MICAL3: variants seen among roughly 807,000 people sequenced by gnomAD.
MICAL3 encodes the protein [F-actin]-monooxygenase MICAL3.
MICAL3 carries 62 observed loss-of-function variants against 207.4 expected under a neutral mutation model. That is an observed-to-expected ratio of 0.30 (90% CI 0.24 to 0.37). MICAL3 has a LOEUF of 0.37. Ranked by LOEUF, MICAL3 falls within the 10% of genes least tolerant of loss-of-function variation. MICAL3 has a pLI of 1.00. For synonymous variants in MICAL3, 1,077 were observed against 1,069.3 expected, an observed-to-expected ratio of 1.01 and a Z score of -0.14; for missense variants, 2,368 against 2,635.6, an observed-to-expected ratio of 0.90 and a Z score of 2.22.
intron 1 of MICAL3, among the ~76,000 whole-genome samples, chr22:17,964,624 C>G (rs1234065013): frequency 6.6e-6 from 1 of 152,216 alleles, no homozygotes; most frequent in Admixed American, 6.5e-5. Context: ...CACCTCCACA[C>G]TAGAACCCTC....
At chr22:17,804,718 G>C (rs539365808) in intron 29 of MICAL3, among the ~76,000 whole-genome samples, 2 of 152,124 alleles carry the variant, frequency 1.3e-5, no homozygotes, top group African/African-American at 4.8e-5. Context: ...CACAGCACTC[G>C]GCCGCCATGG....
In MICAL3 at chr22:17,819,107, G is replaced by C. The variant is rs369298683; in HGVS notation, c.3554C>G (p.Pro1185Arg). ...AGGTGATTTCTCCTGGGTGGCGGCA[G>C]GGACAGGTGGGAGTTGGGGCCCCTA... ...STEGPQLPPVPAATQEKSPEE... is the reference protein window; with the variant it reads ...STEGPQLPPVRAATQEKSPEE... Residue 1185 changes from proline to arginine, a missense_variant, in exon 26 of 32, where the codon CCT (proline) becomes CGT (arginine). By Grantham distance (103) the Pro-to-Arg change is moderately radical. Transcript: ENST00000441493. 42 of 1,500,654 alleles carry C rather than the reference G, an allele frequency of 2.8e-5. No individual in the cohort carries two copies. The African/African-American group carries it at 5.4e-4, about 19-fold the overall frequency. 93.0% of individuals were successfully genotyped at this position (1,500,654 alleles called of 1,614,324 possible).
At chr22:17,946,479 T>C (rs115817164) in intron 1 of MICAL3, among the ~76,000 whole-genome samples, 2 of 152,124 alleles carry the variant, frequency 1.3e-5, no homozygotes, top group East Asian at 1.9e-4. Flanking sequence ...GACACATCTT[T>C]GTATGTGCAA....
Position 17,947,082 on chromosome 22 carries a change from C to A in MICAL3, c.-74-40196G>T, listed in dbSNP as rs552312089. Reference sequence around the variant, plus strand: ...GGAGTGAGACTTCAGAAGAGAAACGCAGCACATCAAATATCTGCTGTCCAT... The same window carrying A: ...GGAGTGAGACTTCAGAAGAGAAACGAAGCACATCAAATATCTGCTGTCCAT... On this transcript the variant is annotated intron_variant, in intron 1 of 31. Coordinates refer to ENST00000441493, the MANE Select transcript of MICAL3 (RefSeq NM_015241.3). Among the ~76,000 whole-genome samples, 8 of 152,356 alleles carry A rather than the reference C, an allele frequency of 5.3e-5. No homozygotes were observed. In the South Asian group the frequency reaches 1.7e-3, roughly 32 times the overall value.
In MICAL3 at chr22:17,932,332, TAAAGA is replaced by T. The variant is rs535289599; in HGVS notation, c.-74-25451_-74-25447del. The stretch of plus-strand genomic sequence containing the variant: ...AGTAGGGGCCAATATTCAACATTCT[TAAAGA>T]AAAGAATTTTCAACCCAGAATTTCA... On this transcript the variant is annotated intron_variant, in intron 1 of 31. Coordinates refer to ENST00000441493, the MANE Select transcript of MICAL3 (RefSeq NM_015241.3). 2.1e-4 allele frequency among the ~76,000 whole-genome samples: 32 copies of T among 152,222 alleles called. No individual in the cohort carries two copies. The South Asian group carries it at 6.4e-3, about 31-fold the overall frequency.
intron 1 of MICAL3, among the ~76,000 whole-genome samples, chr22:17,951,422 T>C (rs1934344415): frequency 6.6e-6 from 1 of 151,798 alleles, no homozygotes; most frequent in African/African-American, 2.4e-5. Context: ...CTGGCAAGTA[T>C]CATAAAGGGT....
At chr22:17,874,719 C>T (rs973033863) in intron 16 of MICAL3, among the ~76,000 whole-genome samples, 3 of 152,216 alleles carry the variant, frequency 2.0e-5, no homozygotes, top group African/African-American at 4.8e-5. Context: ...GCACACCATA[C>T]GTGTGCATAT....
chr22:17,950,166 A>ATTTTTTT lies in MICAL3; in HGVS notation c.-74-43287_-74-43281dup, dbSNP rs10657913. 4.2e-3 allele frequency among the ~76,000 whole-genome samples: 601 copies of ATTTTTTT among 144,002 alleles called. 12 individuals are homozygous for ATTTTTTT. Among genetic ancestry groups the ATTTTTTT allele is most frequent in the African/African-American group, 0.015 (553 of 37,798 alleles). The allele number at this position is 144,002 out of a possible 152,430, so 94.5% of individuals were successfully genotyped here. On this transcript the variant is annotated intron_variant, in intron 1 of 31. Transcript: ENST00000441493. ...GGTCATTCACAGGGTACAGCTGTCTATTTTTTTTTTTGGAGACAAGAGTCT... is the reference window on the plus strand; with the variant it reads ...GGTCATTCACAGGGTACAGCTGTCTATTTTTTTTTTTTTTTTTTGGAGACAAGAGTCT...
intron 22 of MICAL3, among the ~76,000 whole-genome samples, chr22:17,824,560 C>A (rs1318177737): frequency 6.6e-6 from 1 of 152,128 alleles, no homozygotes; most frequent in African/African-American, 2.4e-5. Context: ...TGTAAGATGA[C>A]GGTTCAAATC....
chr22:18,021,158 C>CT (rs1487675037), intron 1 of MICAL3, among the ~76,000 whole-genome samples: 1 of 152,214 alleles, frequency 6.6e-6, no homozygotes, highest in East Asian at 1.9e-4. Flanking sequence ...CCCCAGTGGC[C>CT]TGTGCCATAA....
intron 16 of MICAL3, chr22:17,881,375 G>T: frequency 2.4e-6 from 3 of 1,260,574 alleles, no homozygotes; most frequent in East Asian, 2.4e-5. Context: ...GGTTCTGGGA[G>T]GACTGAAGGG....
At chr22:17,951,241 G>A (rs1416189236) in intron 1 of MICAL3, among the ~76,000 whole-genome samples, 2 of 152,098 alleles carry the variant, frequency 1.3e-5, no homozygotes, top group Non-Finnish European at 1.5e-5. Flanking sequence ...GTACAGCCGG[G>A]AGCACTGGAT....
At chr22:17,919,975 A>G (rs1011836655) in intron 1 of MICAL3, among the ~76,000 whole-genome samples, 8 of 152,196 alleles carry the variant, frequency 5.3e-5, no homozygotes, top group African/African-American at 1.4e-4. Flanking sequence ...GACCCATAAC[A>G]CTTCTGATTC....
At chr22:17,874,434 C>T (rs1378115371) in intron 16 of MICAL3, among the ~76,000 whole-genome samples, 1 of 152,146 alleles carries the variant, frequency 6.6e-6, no homozygotes, top group Non-Finnish European at 1.5e-5. Context: ...AAGTATGAGG[C>T]CAGGACACCA....
At chr22:17,866,075 C>T (rs1289425866) in intron 17 of MICAL3, 63 bp from the exon 18 acceptor site, 2 of 1,265,710 alleles carry the variant, frequency 1.6e-6, no homozygotes, top group African/African-American at 1.5e-5. Flanking sequence ...AACGTGCCTC[C>T]CTGGTCTCAG....
chr22:17,882,595 T>G (rs1929541400), intron 16 of MICAL3, among the ~76,000 whole-genome samples: 1 of 152,200 alleles, frequency 6.6e-6, no homozygotes. Context: ...CTGAGAAAGT[T>G]CTATGTGAAT....
chr22:17,812,310 C>T lies in MICAL3; in HGVS notation c.5446-1497G>A, dbSNP rs1055237024. ...ACAAAATGACCACATGCACTCCAGC[C>T]GGTGAGGAGCAGGTGTCTCATCCTC... On this transcript the variant is annotated intron_variant, in intron 27 of 31. Transcript: ENST00000441493. Among the ~76,000 whole-genome samples, 19 of 152,346 alleles carry T rather than the reference C, an allele frequency of 1.2e-4. 1 individual carries two copies. Among genetic ancestry groups the T allele is most frequent in the South Asian group, 1.0e-3 (5 of 4,826 alleles).
Position 17,796,076 on chromosome 22 carries a change from T to A in MICAL3, c.5651-4775A>T, listed in dbSNP as rs1352075279. Among the ~76,000 whole-genome samples the A allele has an allele frequency of 2.6e-5, 4 of 152,146 alleles. No homozygotes were observed. The highest frequency in any genetic ancestry group is 4.4e-5 in the Non-Finnish European group (3 of 68,016). ...CATCTGTTGCTAACAGGTGCTATAA[T>A]TTACCACTTCTCAAAGCACTCCTGC... On this transcript the variant is annotated intron_variant, in intron 29 of 31. Transcript: ENST00000441493. The surrounding 1 kb of genome is among the most constrained non-coding windows in gnomAD (Gnocchi z 4.4).
intron 1 of MICAL3, 31 bp from the exon 2 acceptor site, chr22:17,906,917 A>G: frequency 2.6e-6 from 3 of 1,152,518 alleles, no homozygotes; most frequent in Non-Finnish European, 3.7e-6. Context: ...CGTGGTTAGC[A>G]TTTCTCTGTC....
Sources: allele counts gnomAD v4.1 joint callset (sites outside exome capture counted in the v4.1 genomes callset), GRCh38; gene constraint gnomAD v4.1.1; non-coding constraint Gnocchi (gnomAD v3.1); transcripts MANE v1.5; gene names NCBI Gene and HGNC (gene_info 2026-07-23, HGNC 2026-07-21).